CCDC141: variants seen among roughly 807,000 people sequenced by gnomAD.
The protein encoded by CCDC141 is coiled-coil domain containing 141, also known as coiled-coil domain-containing protein 141.
Under a neutral mutation model 181.0 loss-of-function variants are expected in CCDC141, and 168 were observed. The ratio of observed to expected loss-of-function variants is 0.93; its 90% CI spans 0.82 to 1.05. The LOEUF (loss-of-function observed/expected upper bound fraction) is 1.05, where lower values mean the gene tolerates loss of function less well. Among genes scored for constraint, CCDC141 ranks in the 50% least tolerant of loss-of-function variants. CCDC141 has a pLI of 0.00. For missense variants in CCDC141, 1,902 were observed against 1,788.5 expected, an observed-to-expected ratio of 1.06 and a Z score of -1.14; for synonymous variants, 666 against 642.3, an observed-to-expected ratio of 1.04 and a Z score of -0.56.
At chr2:178,899,770 C>T (rs886428155) in intron 8 of CCDC141, among the ~76,000 whole-genome samples, 11 of 152,126 alleles carry the variant, frequency 7.2e-5, no homozygotes, top group Non-Finnish European at 1.6e-4. Context: ...ATTTCCATTG[C>T]CAGCATTCTA....
chr2:179,040,173 A>C (rs933195217), intron 2 of CCDC141, among the ~76,000 whole-genome samples: 4 of 152,186 alleles, frequency 2.6e-5, no homozygotes, highest in African/African-American at 9.6e-5. Context: ...GGAGACTGGC[A>C]CATTGTGGTA....
Position 178,962,068 on chromosome 2 carries a change from G to C in CCDC141, c.527-585C>G, listed in dbSNP as rs1050766611. Among the ~76,000 whole-genome samples, 13 of 152,206 alleles carry C rather than the reference G, an allele frequency of 8.5e-5. No individual in the cohort carries two copies. In the East Asian group the frequency reaches 9.6e-4, roughly 11 times the overall value. On this transcript the variant is annotated intron_variant, in intron 4 of 23. Coordinates refer to ENST00000443758, the MANE Select transcript of CCDC141 (RefSeq NM_173648.4). ...AATGCAAATTTTATATGAAAGTTCT[G>C]ACTTCTAAATCTTTCATAATTCATA...
At chr2:179,027,646 CAAAAAAAAAAAAAAAAAAAAA>C (rs71023466) in intron 2 of CCDC141, among the ~76,000 whole-genome samples, 22 of 53,274 alleles carry the variant, frequency 4.1e-4, no homozygotes, top group Admixed American at 1.9e-3. Flanking sequence ...CTCTTACTCT[CAAAAAAAAAAAAAAAAAAAAA>C]AAAAAAAAAA....
intron 11 of CCDC141, among the ~76,000 whole-genome samples, chr2:178,879,932 CAG>C (rs144796066): frequency 0.2 from 30,246 of 151,998 alleles, 4,036 homozygotes; most frequent in East Asian, 0.69. Flanking sequence ...TGGTAATAGA[CAG>C]AGGGATATTC....
chr2:178,840,347 A>G (rs1483951498), intron 22 of CCDC141, among the ~76,000 whole-genome samples: 1 of 152,202 alleles, frequency 6.6e-6, no homozygotes, highest in Non-Finnish European at 1.5e-5. Flanking sequence ...CTCCTTAATG[A>G]CTTCTTCAGG....
intron 6 of CCDC141, among the ~76,000 whole-genome samples, chr2:178,924,229 G>A (rs571963617): frequency 6.6e-6 from 1 of 152,306 alleles, no homozygotes; most frequent in East Asian, 1.9e-4. Flanking sequence ...AATATTAACT[G>A]TGGAGATTAC....
chr2:178,936,178 T>C (rs1689281647), intron 6 of CCDC141, among the ~76,000 whole-genome samples: 1 of 152,204 alleles, frequency 6.6e-6, no homozygotes, highest in Non-Finnish European at 1.5e-5. Flanking sequence ...CCTATTCCTA[T>C]GTCTAGGATG....
At chr2:178,856,554 TTCAC>T (rs1685398200) in intron 17 of CCDC141, among the ~76,000 whole-genome samples, 157 bp from the exon 18 acceptor site, 2 of 151,884 alleles carry the variant, frequency 1.3e-5, no homozygotes. Context: ...CTTTCTTTCT[TTCAC>T]TCTTTCTCTT....
At chr2:178,935,234 A>C (rs936030862) in intron 6 of CCDC141, among the ~76,000 whole-genome samples, 1 of 152,114 alleles carries the variant, frequency 6.6e-6, no homozygotes. Flanking sequence ...TATTAAGCCC[A>C]GTCCCCAATA....
intron 2 of CCDC141, among the ~76,000 whole-genome samples, chr2:178,981,535 T>C (rs1320074468): frequency 1.3e-5 from 2 of 150,452 alleles, no homozygotes; most frequent in African/African-American, 4.9e-5. Flanking sequence ...TACAAATATT[T>C]TGAACTAAAT....
At chr2:178,947,194 G>A (rs1414206554) in intron 5 of CCDC141, among the ~76,000 whole-genome samples, 1 of 152,190 alleles carries the variant, frequency 6.6e-6, no homozygotes, top group Non-Finnish European at 1.5e-5. Flanking sequence ...TGCCCAGCGA[G>A]TAGCTACTGC....
chr2:178,869,864 T>C (rs1686032363), intron 14 of CCDC141, among the ~76,000 whole-genome samples: 1 of 152,166 alleles, frequency 6.6e-6, no homozygotes, highest in Admixed American at 6.5e-5. Flanking sequence ...TAAACTGCCT[T>C]GCCTTTCACC....
chr2:178,836,934 C>A lies in CCDC141; in HGVS notation c.4285G>T (p.Glu1429Ter), dbSNP rs747490770. The A allele has an allele frequency of 1.2e-6, 2 of 1,613,418 alleles. No individual in the cohort carries two copies. Reference protein sequence around the residue: ...TVMEGSPVTLEVEVTGFPEPT... With the variant: ...TVMEGSPVTL ...TCTGGAAATCCTGTTACTTCAACTT[C>A]CAAAGTCACTGGAGAACCTTCCATG... Residue 1429 changes from glutamate (E) to a stop codon, truncating the protein, a stop_gained, in exon 23 of 24, where the codon GAA becomes TAA. Coordinates refer to ENST00000443758, the MANE Select transcript of CCDC141 (RefSeq NM_173648.4). LOFTEE classifies it high-confidence loss of function.
chr2:179,004,008 T>A (rs2042056133), intron 2 of CCDC141, among the ~76,000 whole-genome samples: 1 of 152,192 alleles, frequency 6.6e-6, no homozygotes. Flanking sequence ...TACAAACATC[T>A]ACTACTTAAA....
intron 2 of CCDC141, among the ~76,000 whole-genome samples, chr2:179,003,076 T>C (rs1185022572): frequency 2.0e-5 from 3 of 152,324 alleles, no homozygotes; most frequent in Middle Eastern, 3.4e-3. Flanking sequence ...TGTTTTTGGG[T>C]GGAATTAACC....
At chr2:178,839,575 C>T (rs1161493329) in intron 22 of CCDC141, among the ~76,000 whole-genome samples, 3 of 88,018 alleles carry the variant, frequency 3.4e-5, no homozygotes, top group African/African-American at 1.5e-4. Flanking sequence ...AGTGAAACTT[C>T]GTCTCCAAAA....
chr2:178,851,857 ATTTG>A (rs1685178695), intron 20 of CCDC141, among the ~76,000 whole-genome samples: 2 of 152,180 alleles, frequency 1.3e-5, no homozygotes, highest in South Asian at 2.1e-4. Context: ...GTATGCACAA[ATTTG>A]TTTGAGATAA....
intron 4 of CCDC141, among the ~76,000 whole-genome samples, chr2:178,969,407 A>C (rs895148724): frequency 1.3e-5 from 2 of 152,198 alleles, no homozygotes; most frequent in African/African-American, 4.8e-5. Flanking sequence ...CCAGCAGCAC[A>C]TCAAAAAGCT....
chr2:178,905,352 T>G lies in CCDC141; in HGVS notation c.1242A>C (p.Leu414Phe), dbSNP rs1007085106. 1 of 1,549,470 alleles carries G rather than the reference T, an allele frequency of 6.5e-7. No individual in the cohort carries two copies. Among genetic ancestry groups the G allele is most frequent in the Non-Finnish European group, 8.7e-7 (1 of 1,146,576 alleles). ...ACCTGCAGGAGTCTACTTGGCTGAT[T>G]AAGGTTTGTCCCTTTTGCAAAGCAT... Reference protein sequence around the residue: ...TTDALQKGQTLISQVDSCSSQ... With the variant: ...TTDALQKGQTFISQVDSCSSQ... Residue 414 changes from leucine to phenylalanine, a missense_variant, in exon 8 of 24, where the codon TTA becomes TTC. Coordinates refer to ENST00000443758, the MANE Select transcript of CCDC141 (RefSeq NM_173648.4).
Sources: allele counts gnomAD v4.1 joint callset (sites outside exome capture counted in the v4.1 genomes callset), GRCh38; gene constraint gnomAD v4.1.1; transcripts MANE v1.5; gene names NCBI Gene and HGNC (gene_info 2026-07-23, HGNC 2026-07-21).